Variants in SHANK1 observed in about 807,000 individuals in gnomAD.
SHANK1 encodes SH3 and multiple ankyrin repeat domains protein 1.
Under a neutral mutation model 165.6 loss-of-function variants are expected in SHANK1, and 35 were observed. The observed-to-expected ratio is 0.21, with a 90% confidence interval of 0.16 to 0.28. The LOEUF is 0.28. Among genes scored for constraint, SHANK1 ranks in the 10% least tolerant of loss-of-function variants. SHANK1 has a pLI of 1.00. For missense variants in SHANK1, 2,681 were observed against 3,036.4 expected (o/e 0.88, Z 2.75); for synonymous variants, 1,428 against 1,384.8 (o/e 1.03, Z -0.69).
In SHANK1 at chr19:50,702,434, G is replaced by T. The variant is rs780542975; in HGVS notation, c.1747+33C>A. 6.3e-7 allele frequency: 1 copy of T among 1,579,078 alleles called. No individual in the cohort carries two copies. The highest frequency in any genetic ancestry group is 8.6e-7 in the Non-Finnish European group (1 of 1,160,270). ...TTTCCCTGATCGCCCCCACAGCCCAGCCCAGCCCAGGCCCTGCTTCCACCC... is the reference window on the plus strand; with the variant it reads ...TTTCCCTGATCGCCCCCACAGCCCATCCCAGCCCAGGCCCTGCTTCCACCC... On this transcript the variant is annotated intron_variant, in intron 12 of 23. Coordinates refer to ENST00000293441, the MANE Select transcript of SHANK1 (RefSeq NM_016148.5). The surrounding 1 kb of genome is among the most constrained non-coding windows in gnomAD (Gnocchi z 5.3).
rs762674358 is a variant in SHANK1 at position 50,662,424 on chromosome 19, G to C, written c.6027C>G (p.His2009Gln). Residue 2009 changes from histidine (H) to glutamine (Q), a missense_variant, in exon 24 of 24, where the codon CAC (histidine) becomes CAG (glutamine). By Grantham distance (24) the His-to-Gln change is conservative (BLOSUM62 0). This residue lies in a region of SHANK1 where 1,713 missense variants were observed against 1,630.2 expected (regional missense o/e 1.05). Transcript: ENST00000293441. The surrounding 1 kb of genome is among the most constrained non-coding windows in gnomAD (Gnocchi z 7.7). Reference sequence around the variant, plus strand: ...AGGGCCTGGGCGCAGGGCTGACCTTGTGCTCCGAGGCGGGCAGCAGCGAGG... The same window carrying C: ...AGGGCCTGGGCGCAGGGCTGACCTTCTGCTCCGAGGCGGGCAGCAGCGAGG... The part of the protein sequence containing the change: ...PSPSLLPASE[H>Q]KVSPAPRPSS... The C allele has an allele frequency of 6.4e-7, 1 of 1,559,736 alleles. No homozygotes were observed. The highest frequency in any genetic ancestry group is 8.7e-7 in the Non-Finnish European group (1 of 1,153,092).
At position 50,702,151 on chromosome 19, in the gene SHANK1, G is replaced by GTTGAGGGAT. The variant is rs111304674; in HGVS notation, c.1747+315_1747+316insATCCCTCAA. On this transcript the variant is annotated intron_variant, in intron 12 of 23. Coordinates refer to ENST00000293441, the MANE Select transcript of SHANK1 (RefSeq NM_016148.5). The surrounding 1 kb of genome is among the most constrained non-coding windows in gnomAD (Gnocchi z 5.3). Reference sequence around the variant, plus strand: ...GTTCTGTTCCTTCAACCATGCAATGGGGCCCATGACCTCCCTCCCCAGAAA... The same window carrying GTTGAGGGAT: ...GTTCTGTTCCTTCAACCATGCAATGGTTGAGGGATGGCCCATGACCTCCCTCCCCAGAAA... 0.41 allele frequency among the ~76,000 whole-genome samples: 62,275 copies of GTTGAGGGAT among 151,640 alleles called. 13,000 individuals carry two copies. The highest frequency in any genetic ancestry group is 0.52 in the South Asian group (2,494 of 4,820).
chr19:50,703,835 G>T lies in SHANK1; in HGVS notation c.1223-5C>A. The T allele has an allele frequency of 7.1e-7, 1 of 1,413,872 alleles. No individual in the cohort carries two copies. Among genetic ancestry groups the T allele is most frequent in the South Asian group, 1.5e-5 (1 of 66,968 alleles). The allele number at this position is 1,413,872 out of a possible 1,614,324, so 87.6% of individuals were successfully genotyped here. A position where few individuals can be genotyped will look rare whatever the true frequency, so the allele number is the denominator to read the frequency against. On this transcript the variant is annotated splice_region_variant and splice_polypyrimidine_tract_variant and intron_variant, in intron 10 of 23. Transcript: ENST00000293441. ...TGGGGGACTCCTGGAAGGGCACTGAGAGGGCACAGTGGCGGCGGGGGGCAG... is the reference window on the plus strand; with the variant it reads ...TGGGGGACTCCTGGAAGGGCACTGATAGGGCACAGTGGCGGCGGGGGGCAG...
In SHANK1 at chr19:50,666,628, C is replaced by A; in HGVS notation, c.5332G>T (p.Asp1778Tyr). Residue 1778 changes from aspartate to tyrosine, a missense_variant, in exon 23 of 24, where the codon GAC (aspartate) becomes TAC (tyrosine). Transcript: ENST00000293441. ...LRPGPSGGLRDPVTPTSPTVS... is the reference protein window; with the variant it reads ...LRPGPSGGLRYPVTPTSPTVS... ...GTGGGGCTGGTGGGGGTAACAGGGT[C>A]TCGGAGTCCCCCGCTGGGGCCAGGC... 1 of 1,598,392 alleles carries A rather than the reference C, an allele frequency of 6.3e-7. No homozygotes were observed. The highest frequency in any genetic ancestry group is 1.3e-5 in the African/African-American group (1 of 74,954).
chr19:50,668,225 G>A lies in SHANK1; in HGVS notation c.3735C>T (p.Gly1245=), dbSNP rs1011717522. 6.7e-7 allele frequency: 1 copy of A among 1,487,274 alleles called. No individual in the cohort carries two copies. The highest frequency in any genetic ancestry group is 2.4e-5 in the Admixed American group (1 of 41,486). 92.1% of individuals were successfully genotyped at this position (1,487,274 alleles called of 1,614,324 possible). A position where few individuals can be genotyped will look rare whatever the true frequency, so the allele number is the denominator to read the frequency against. The part of the protein sequence containing the change: ...ALVGAARREG[G]WQNEARRRST... ...AGCGCCGGCGCGCCTCATTCTGCCA[G>A]CCCCCCTCCCTCCGGGCCGCCCCCA... Residue 1245 remains glycine, a synonymous_variant, in exon 23 of 24, where the codon GGC becomes GGT. Transcript: ENST00000293441.
chr19:50,667,174 G>T lies in SHANK1; in HGVS notation c.4786C>A (p.Pro1596Thr). The change falls in exon 23 of 24, where the codon CCT becomes ACT. Residue 1596 changes from proline (P) to threonine (T), a missense_variant. Coordinates refer to ENST00000293441, the MANE Select transcript of SHANK1 (RefSeq NM_016148.5). This position sits in a 1 kb window ranked among gnomAD's most constrained non-coding sequence, Gnocchi z 5.7. ...GGGGGTAACGGGGTGGCAGGGGCAG[G>T]TGTGTCGGGCAGCGGGTGGGGAGGC... ...PGPPHPLPDT[P>T]APATPLPPVP... The T allele has an allele frequency of 6.4e-7, 1 of 1,563,474 alleles. No homozygotes were observed.
At chr19:50,692,474 C>CTATATATATATAT (rs1986571796) in intron 15 of SHANK1, among the ~76,000 whole-genome samples, 1 of 126,646 alleles carries the variant, frequency 7.9e-6, no homozygotes, top group African/African-American at 3.3e-5. Context: ...TATATATATA[C>CTATATATATATAT]ACACACACAC....
At position 50,693,573 on chromosome 19, in the gene SHANK1, C is replaced by G. The variant is rs528143302; in HGVS notation, c.1964+3523G>C. 5.9e-5 allele frequency among the ~76,000 whole-genome samples: 9 copies of G among 152,130 alleles called. No individual in the cohort carries two copies. The South Asian group carries it at 1.7e-3, about 28-fold the overall frequency. Reference sequence around the variant, plus strand: ...GGGCACTGCAGCGGCCTGCACTCCCCTCCCCACCCCAACGTCCCTCTCACA... The same window carrying G: ...GGGCACTGCAGCGGCCTGCACTCCCGTCCCCACCCCAACGTCCCTCTCACA... On this transcript the variant is annotated intron_variant, in intron 15 of 23. Transcript: ENST00000293441.
intron 12 of SHANK1, among the ~76,000 whole-genome samples, chr19:50,701,846 G>T (rs1435280757): frequency 6.6e-6 from 1 of 152,208 alleles, no homozygotes; most frequent in African/African-American, 2.4e-5. Context: ...AAGCAGGGGA[G>T]ACTGGCTCCA....
chr19:50,704,549 A>G (rs765403190), intron 8 of SHANK1, 35 bp from the exon 9 acceptor site: 17 of 1,584,856 alleles, frequency 1.1e-5, no homozygotes, highest in Non-Finnish European at 1.5e-5. Context: ...GGACAAAGAG[A>G]GAGAGAAAAA....
rs142582448 is a variant in SHANK1, at chr19:50,705,170, G to A, written c.1078-656C>T. Among the ~76,000 whole-genome samples, 105 of 150,466 alleles carry A rather than the reference G, an allele frequency of 7.0e-4. 2 individuals carry two copies. The East Asian group carries it at 0.018, about 26-fold the overall frequency. ...AGCCTGGCCAACATGGTGAAACCCC[G>A]TCTCTATCAGAAAATACAAAAATTA... On this transcript the variant is annotated intron_variant, in intron 8 of 23. Coordinates refer to ENST00000293441, the MANE Select transcript of SHANK1 (RefSeq NM_016148.5).
chr19:50,663,935 TCTC>T (rs1162099862), intron 23 of SHANK1, among the ~76,000 whole-genome samples: 3 of 69,666 alleles, frequency 4.3e-5, no homozygotes, highest in Admixed American at 1.3e-4. Flanking sequence ...TCTCTCTCTC[TCTC>T]TCTTTTTTTT....
chr19:50,687,425 GAC>G (rs376832332), intron 19 of SHANK1, among the ~76,000 whole-genome samples, 155 bp downstream of exon 19: 4 of 152,026 alleles, frequency 2.6e-5, no homozygotes, highest in Middle Eastern at 6.8e-3. Context: ...CCTTCCCAGA[GAC>G]ACACACACAC....
rs992931193 is a variant in SHANK1, at chr19:50,690,046, A to G, written c.1965-767T>C. ...ATTTCCAAGTGTGCAGAAGCTGCAC[A>G]TGGCTGGTGGCCACCACATTGGACA... On this transcript the variant is annotated intron_variant, in intron 15 of 23. Transcript: ENST00000293441. The surrounding 1 kb of genome is among the most constrained non-coding windows in gnomAD (Gnocchi z 4.9). Among the ~76,000 whole-genome samples, 8 of 152,210 alleles carry G rather than the reference A, an allele frequency of 5.3e-5. No homozygotes were observed. The highest frequency in any genetic ancestry group is 1.9e-4 in the African/African-American group (8 of 41,458).
Position 50,686,386 on chromosome 19 carries a change from A to G in SHANK1, c.2459-31T>C. The stretch of plus-strand genomic sequence containing the variant: ...GGTAGATGAATGAACAGAGGTGGGA[A>G]GACAATGAAATGAAGTTTGCTTTGA... On this transcript the variant is annotated intron_variant, in intron 20 of 23. Coordinates refer to ENST00000293441, the MANE Select transcript of SHANK1 (RefSeq NM_016148.5). The surrounding 1 kb of genome is among the most constrained non-coding windows in gnomAD (Gnocchi z 5.7). 2 of 1,450,240 alleles carry G rather than the reference A, an allele frequency of 1.4e-6. No homozygotes were observed. Among genetic ancestry groups the G allele is most frequent in the Non-Finnish European group, 1.9e-6 (2 of 1,057,770 alleles). 89.8% of individuals were successfully genotyped at this position (1,450,240 alleles called of 1,614,324 possible). A position where few individuals can be genotyped will look rare whatever the true frequency, so the allele number is the denominator to read the frequency against.
chr19:50,696,063 C>T (rs1470288273), intron 15 of SHANK1, among the ~76,000 whole-genome samples: 1 of 152,150 alleles, frequency 6.6e-6, no homozygotes, highest in Non-Finnish European at 1.5e-5. Flanking sequence ...ACACACACAG[C>T]AGCACGTGGG....
Position 50,659,550 on chromosome 19 carries a change from C to T in SHANK1, c.*2415G>A. On this transcript the variant is annotated 3_prime_UTR_variant, in exon 24 of 24. Coordinates refer to ENST00000293441, the MANE Select transcript of SHANK1 (RefSeq NM_016148.5). ...GAATCAGACGTCCTCATCCGCCCCC[C>T]TCCTCTTCCCCTCCCACCCCCCCTT... 6.6e-6 allele frequency among the ~76,000 whole-genome samples: 1 copy of T among 150,434 alleles called. No individual in the cohort carries two copies. The highest frequency in any genetic ancestry group is 1.5e-5 in the Non-Finnish European group (1 of 67,410).
chr19:50,702,874 G>A lies in SHANK1; in HGVS notation c.1554-214C>T, dbSNP rs1174496673. 5.9e-5 allele frequency among the ~76,000 whole-genome samples: 9 copies of A among 152,032 alleles called. No individual in the cohort carries two copies. The highest frequency in any genetic ancestry group is 1.9e-4 in the East Asian group (1 of 5,170). On this transcript the variant is annotated intron_variant, in intron 11 of 23. Coordinates refer to ENST00000293441, the MANE Select transcript of SHANK1 (RefSeq NM_016148.5). This position sits in a 1 kb window ranked among gnomAD's most constrained non-coding sequence, Gnocchi z 5.3. Reference sequence around the variant, plus strand: ...CCCCCTCTCCTGCCTCCTGGCTTCCGGCTCTGCCCCCTCCCACGGTCCTGC... The same window carrying A: ...CCCCCTCTCCTGCCTCCTGGCTTCCAGCTCTGCCCCCTCCCACGGTCCTGC...
chr19:50,686,922 C>CGA lies in SHANK1; in HGVS notation c.2390-112_2390-111dup. On this transcript the variant is annotated intron_variant, in intron 19 of 23. Coordinates refer to ENST00000293441, the MANE Select transcript of SHANK1 (RefSeq NM_016148.5). This position sits in a 1 kb window ranked among gnomAD's most constrained non-coding sequence, Gnocchi z 5.7. The stretch of plus-strand genomic sequence containing the variant: ...TGCGGGCCAGTGGGCGTGGCGGGCG[C>CGA]GAGAGGGGCAGTGAGGGGCCGGGGT... 1 of 1,384,600 alleles carries CGA rather than the reference C, an allele frequency of 7.2e-7. No individual in the cohort carries two copies. The highest frequency in any genetic ancestry group is 2.0e-4 in the Middle Eastern group (1 of 5,014). 85.8% of individuals were successfully genotyped at this position (1,384,600 alleles called of 1,614,324 possible).
Sources: allele counts gnomAD v4.1 joint callset (sites outside exome capture counted in the v4.1 genomes callset), GRCh38; gene constraint gnomAD v4.1.1; regional missense constraint gnomAD v4.1.1; non-coding constraint Gnocchi (gnomAD v3.1); transcripts MANE v1.5; gene names NCBI Gene and HGNC (gene_info 2026-07-23, HGNC 2026-07-21).